Variants in SUN2 observed in about 807,000 individuals in gnomAD.
SUN2 encodes the protein Sad1 and UNC84 domain containing 2.
In SUN2, 60 loss-of-function variants were observed where a neutral mutation model predicts 100.0. The observed-to-expected ratio is 0.60, with a 90% CI of 0.49 to 0.74. The LOEUF (loss-of-function observed/expected upper bound fraction) is 0.74. Among genes scored for constraint, SUN2 ranks in the 30% least tolerant of loss-of-function variants. The probability of loss-of-function intolerance (pLI) is 0.00; values close to 1 mark genes in which losing one functional copy is unlikely to be tolerated. For missense variants in SUN2, 834 were observed against 954.6 expected (o/e 0.87, Z 1.66); for synonymous variants, 367 against 403.3 (o/e 0.91, Z 1.08).
intron 2 of SUN2, 125 bp from the exon 3 acceptor site, chr22:38,751,498 C>A (rs568234834): frequency 1.8e-5 from 17 of 963,622 alleles, no homozygotes; most frequent in African/African-American, 1.7e-4. Flanking sequence ...TGCTAGGCAA[C>A]TCGCAGCTGC....
chr22:38,749,549 C>G (rs995926117), intron 6 of SUN2, among the ~76,000 whole-genome samples: 1 of 152,166 alleles, frequency 6.6e-6, no homozygotes, highest in African/African-American at 2.4e-5. Context: ...AATCCTGCCT[C>G]GAAGGGCTAT....
intron 1 of SUN2, 110 bp from the exon 2 acceptor site, chr22:38,752,775 C>A: frequency 8.6e-7 from 1 of 1,156,704 alleles, no homozygotes; most frequent in Non-Finnish European, 1.2e-6. Flanking sequence ...CAGACCACCC[C>A]CCCGGCCCCC....
chr22:38,745,738 G>C lies in SUN2; in HGVS notation c.759C>G (p.Asp253Glu), dbSNP rs375173070. Reference protein sequence around the residue: ...PALVSWWAAKDSRRPDEGWEA... With the variant: ...PALVSWWAAKESRRPDEGWEA... ...CCCAGCCCTCATCCGGCCTCCTGCT[G>C]TCCTTCGCTGCCCACCAGGAAACCA... The change falls in exon 8 of 18, where the codon GAC becomes GAG. Residue 253 changes from aspartate to glutamate, a missense_variant. This residue lies in a region of SUN2 where 559 missense variants were observed against 597.7 expected (regional missense o/e 0.94). Transcript: ENST00000689035. 3.1e-5 allele frequency: 50 copies of C among 1,613,912 alleles called. No homozygotes were observed. Among genetic ancestry groups the C allele is most frequent in the Non-Finnish European group, 4.1e-5 (48 of 1,180,036 alleles).
Position 38,745,810 on chromosome 22 carries a change from A to G in SUN2, c.687T>C (p.Gly229=), listed in dbSNP as rs2146025579. The G allele has an allele frequency of 6.2e-7, 1 of 1,613,696 alleles. No individual in the cohort carries two copies. The highest frequency in any genetic ancestry group is 8.5e-7 in the Non-Finnish European group (1 of 1,179,884). The part of the protein sequence containing the change: ...PLLLLTCLTY[G]AWYFYPYGLQ... ...GCCCATAGGGGTAGAAATACCAAGCACCTGTGCACAGGGGAGAGGGTGTTA... is the reference window on the plus strand; with the variant it reads ...GCCCATAGGGGTAGAAATACCAAGCGCCTGTGCACAGGGGAGAGGGTGTTA... The change falls in exon 8 of 18, where the codon GGT becomes GGC. Residue 229 remains glycine (G), a splice_region_variant and synonymous_variant. Coordinates refer to ENST00000689035, the MANE Select transcript of SUN2 (RefSeq NM_015374.3).
intron 4 of SUN2, 33 bp downstream of exon 4, chr22:38,750,865 G>C: frequency 6.2e-7 from 1 of 1,611,006 alleles, no homozygotes; most frequent in Non-Finnish European, 8.5e-7. Context: ...CAGCAGCCTC[G>C]GATCTGCTCA....
At chr22:38,745,426 G>T (rs1219575416) in intron 8 of SUN2, among the ~76,000 whole-genome samples, 1 of 152,172 alleles carries the variant, frequency 6.6e-6, no homozygotes, top group Non-Finnish European at 1.5e-5. Context: ...TTGGTAAGAG[G>T]TAACTGACTG....
intron 8 of SUN2, 68 bp from the exon 9 acceptor site, chr22:38,742,623 C>A: frequency 6.6e-7 from 1 of 1,525,280 alleles, no homozygotes; most frequent in Non-Finnish European, 8.9e-7. Context: ...AAAGACCACC[C>A]CGACACAGCC....
At chr22:38,750,147 G>C in intron 5 of SUN2, 78 bp downstream of exon 5, 1 of 1,535,702 alleles carries the variant, frequency 6.5e-7, no homozygotes, top group Non-Finnish European at 8.9e-7. Context: ...GCATGGGCAG[G>C]ATGCCCAACT....
Position 38,740,608 on chromosome 22 carries a change from G to T in SUN2, c.1191-176C>A. ...TGGGGGTTCTGGCTGCAGAACCCCT[G>T]CCTGTCCCAAGGAGCTAATTCTGAG... is the stretch of plus-strand genomic sequence containing the variant. On this transcript the variant is annotated intron_variant, in intron 11 of 17. Coordinates refer to ENST00000689035, the MANE Select transcript of SUN2 (RefSeq NM_015374.3). The surrounding 1 kb of genome is among the most constrained non-coding windows in gnomAD (Gnocchi z 4.8). 1 of 646,044 alleles carries T rather than the reference G, an allele frequency of 1.5e-6. No homozygotes were observed. The highest frequency in any genetic ancestry group is 2.5e-6 in the Non-Finnish European group (1 of 395,078). The allele number at this position is 646,044 out of a possible 1,614,324, so 40.0% of individuals were successfully genotyped here. A position where few individuals can be genotyped will look rare whatever the true frequency, so the allele number is the denominator to read the frequency against.
chr22:38,748,975 T>TA lies in SUN2; in HGVS notation c.615-193dup, dbSNP rs2092924277. 1.1e-5 allele frequency: 6 copies of TA among 553,526 alleles called. No individual in the cohort carries two copies. The East Asian group carries it at 1.7e-4, about 16-fold the overall frequency. 34.3% of individuals were successfully genotyped at this position (553,526 alleles called of 1,614,324 possible). ...AGAGCCTTTCCTGCTGGGCAGGTCTTAGAGTGATGGGACAATTTTGACTGA... is the reference window on the plus strand; with the variant it reads ...AGAGCCTTTCCTGCTGGGCAGGTCTTAAGAGTGATGGGACAATTTTGACTGA... On this transcript the variant is annotated intron_variant, in intron 6 of 17. Coordinates refer to ENST00000689035, the MANE Select transcript of SUN2 (RefSeq NM_015374.3).
intron 6 of SUN2, among the ~76,000 whole-genome samples, chr22:38,749,491 T>C (rs938757952): frequency 1.1e-4 from 17 of 152,146 alleles, no homozygotes; most frequent in African/African-American, 4.1e-4. Context: ...GCTAGACTAG[T>C]GTGGCGTTTA....
At position 38,739,357 on chromosome 22, in the gene SUN2, C is replaced by T. The variant is rs2092834834; in HGVS notation, c.1648G>A (p.Ala550Thr). The stretch of plus-strand genomic sequence containing the variant: ...GAGCACGTACCTCCTGACTCCAGGG[C>T]GTAGTCTGCCAGCCCGATGCGGTCC... ...SEDRIGLADY[A>T]LESGGASVIS... Residue 550 changes from alanine to threonine, a missense_variant, in exon 14 of 18, where the codon GCC becomes ACC. By Grantham distance (58) the Ala-to-Thr change is moderately conservative. Transcript: ENST00000689035. The surrounding 1 kb of genome is among the most constrained non-coding windows in gnomAD (Gnocchi z 6.7). 7 of 1,613,088 alleles carry T rather than the reference C, an allele frequency of 4.3e-6. No homozygotes were observed. Among genetic ancestry groups the T allele is most frequent in the Non-Finnish European group, 5.9e-6 (7 of 1,180,014 alleles).
chr22:38,755,028 A>G lies in SUN2; in HGVS notation c.-38+735T>C. 8.3e-7 allele frequency: 1 copy of G among 1,210,094 alleles called. No individual in the cohort carries two copies. The highest frequency in any genetic ancestry group is 1.3e-5 in the South Asian group (1 of 76,702). 75.0% of individuals were successfully genotyped at this position (1,210,094 alleles called of 1,614,324 possible). A position where few individuals can be genotyped will look rare whatever the true frequency, so the allele number is the denominator to read the frequency against. ...ACCACCCCCGCCCCACCTCCTCCCTAACAATCAGTTAGGAAACGCTCATCG... is the reference window on the plus strand; with the variant it reads ...ACCACCCCCGCCCCACCTCCTCCCTGACAATCAGTTAGGAAACGCTCATCG... On this transcript the variant is annotated intron_variant, in intron 1 of 17. Coordinates refer to ENST00000689035, the MANE Select transcript of SUN2 (RefSeq NM_015374.3). The surrounding 1 kb of genome is among the most constrained non-coding windows in gnomAD (Gnocchi z 5.7).
Position 38,742,304 on chromosome 22 carries a change from G to C in SUN2, c.1065C>G (p.Ile355Met). The change falls in exon 9 of 18, where the codon ATC (isoleucine) becomes ATG (methionine). Residue 355 changes from isoleucine (I) to methionine (M), a missense_variant. Coordinates refer to ENST00000689035, the MANE Select transcript of SUN2 (RefSeq NM_015374.3). ...EDFRRETAAR[I>M]QEELSALRAE... ...CCTGAGGTATTCCACCTCCTACCTG[G>C]ATGCGAGCAGCAGTTTCCCTGCGGA... is the stretch of plus-strand genomic sequence containing the variant. The C allele has an allele frequency of 5.0e-6, 8 of 1,598,300 alleles. No homozygotes were observed. Among genetic ancestry groups the C allele is most frequent in the Non-Finnish European group, 6.8e-6 (8 of 1,168,112 alleles).
At chr22:38,746,234 G>T (rs770501509) in intron 7 of SUN2, among the ~76,000 whole-genome samples, 1 of 152,120 alleles carries the variant, frequency 6.6e-6, no homozygotes, top group Non-Finnish European at 1.5e-5. Flanking sequence ...GGGCCCCTGC[G>T]TAGGTGAGTT....
intron 7 of SUN2, 149 bp downstream of exon 7, chr22:38,748,564 T>G (rs1164383632): frequency 1.2e-6 from 1 of 864,328 alleles, no homozygotes; most frequent in Non-Finnish European, 1.9e-6. Flanking sequence ...GGGAGGGCCA[T>G]GCAGAGATGA....
At chr22:38,750,454 G>T (rs1039809918) in intron 4 of SUN2, 134 bp from the exon 5 acceptor site, 1 of 1,497,324 alleles carries the variant, frequency 6.7e-7, no homozygotes, top group Non-Finnish European at 9.0e-7. Context: ...CCGGTGTGCA[G>T]TAAGGAATGA....
intron 7 of SUN2, among the ~76,000 whole-genome samples, chr22:38,748,170 T>C (rs1362336550): frequency 6.6e-6 from 1 of 150,898 alleles, no homozygotes; most frequent in Admixed American, 6.6e-5. Context: ...CAAAATTAGC[T>C]GGGCATGTTG....
Position 38,742,397 on chromosome 22 carries a change from G to T in SUN2, c.972C>A (p.Ser324Arg). ...CCAGCAGCGCCAGGGTGTCCTCGTG[G>T]CTCAGGCCACCACCACCTCCCTGGC... ...APGQGGGGGL[S>R]HEDTLALLEG... The change falls in exon 9 of 18, where the codon AGC (serine) becomes AGA (arginine). Residue 324 changes from serine (S) to arginine (R), a missense_variant. Transcript: ENST00000689035. 1 of 1,613,288 alleles carries T rather than the reference G, an allele frequency of 6.2e-7. No individual in the cohort carries two copies. Among genetic ancestry groups the T allele is most frequent in the African/African-American group, 1.3e-5 (1 of 75,040 alleles).
Sources: allele counts gnomAD v4.1 joint callset (sites outside exome capture counted in the v4.1 genomes callset), GRCh38; gene constraint gnomAD v4.1.1; regional missense constraint gnomAD v4.1.1; non-coding constraint Gnocchi (gnomAD v3.1); transcripts MANE v1.5; gene names NCBI Gene and HGNC (gene_info 2026-07-23, HGNC 2026-07-21).